Variants in ARID1B observed in about 807,000 individuals in gnomAD.
ARID1B encodes the protein AT-rich interaction domain 1B, also known as AT-rich interactive domain-containing protein 1B.
In ARID1B, 30 loss-of-function variants were observed where a neutral mutation model predicts 212.3. That is an observed-to-expected ratio of 0.14 (90% CI 0.11 to 0.19). ARID1B has a LOEUF of 0.19. Among genes scored for constraint, ARID1B ranks in the 10% least tolerant of loss-of-function variants. The pLI, the probability that ARID1B is intolerant of heterozygous loss-of-function variation, is 1.00. For missense variants in ARID1B, 2,891 were observed against 3,204.0 expected, an observed-to-expected ratio of 0.90 and a Z score of 2.36; for synonymous variants, 1,402 against 1,301.7, an observed-to-expected ratio of 1.08 and a Z score of -1.66.
Position 156,778,745 on chromosome 6 carries a change from C to CGCG in ARID1B, c.1067_1068insGGC (p.Ala357dup), listed in dbSNP as rs1352699139. The CGCG allele has an allele frequency of 6.6e-7, 1 of 1,525,412 alleles. No homozygotes were observed. The highest frequency in any genetic ancestry group is 8.8e-7 in the Non-Finnish European group (1 of 1,134,644). 94.5% of individuals were successfully genotyped at this position (1,525,412 alleles called of 1,614,324 possible). On this transcript the variant is annotated inframe_insertion, in exon 1 of 20. Coordinates refer to ENST00000636930, the MANE Select transcript of ARID1B (RefSeq NM_001374828.1). The stretch of plus-strand genomic sequence containing the variant: ...GGATGATGCACTCCGCCTCCGCCGC[C>CGCG]GCCGCCGGGGCCCCCGGCAGCATGG...
chr6:157,044,908 T>G (rs1322212688), intron 4 of ARID1B, among the ~76,000 whole-genome samples: 2 of 152,166 alleles, frequency 1.3e-5, no homozygotes, highest in African/African-American at 4.8e-5. Context: ...CCTGAGCTGG[T>G]CTAGAAAATA....
Position 157,136,760 on chromosome 6 carries a change from G to T in ARID1B, c.2761+3553G>T, listed in dbSNP as rs147575285. On this transcript the variant is annotated intron_variant, in intron 7 of 19. Coordinates refer to ENST00000636930, the MANE Select transcript of ARID1B (RefSeq NM_001374828.1). Reference sequence around the variant, plus strand: ...GCCTGTGGTCCCAGCTACTTGGGAGGCTGAGGCACAAGAATCGCTTGAACC... The same window carrying T: ...GCCTGTGGTCCCAGCTACTTGGGAGTCTGAGGCACAAGAATCGCTTGAACC... 3.1e-3 allele frequency among the ~76,000 whole-genome samples: 472 copies of T among 152,158 alleles called. 2 individuals are homozygous for T. Among genetic ancestry groups the T allele is most frequent in the African/African-American group, 0.01 (432 of 41,510 alleles).
At chr6:157,139,963 AT>A (rs1789221943) in intron 7 of ARID1B, among the ~76,000 whole-genome samples, 1 of 151,728 alleles carries the variant, frequency 6.6e-6, no homozygotes. Flanking sequence ...ACCTCAAGTG[AT>A]TCACCCGCCT....
At position 157,174,072 on chromosome 6, in the gene ARID1B, A is replaced by G. The variant is rs774783574; in HGVS notation, c.3300A>G (p.Ala1100=). 23 of 1,614,194 alleles carry G rather than the reference A, an allele frequency of 1.4e-5. No homozygotes were observed. The highest frequency in any genetic ancestry group is 1.9e-5 in the Non-Finnish European group (22 of 1,180,030). The stretch of plus-strand genomic sequence containing the variant: ...CCAAACTGCCCCTGCCTCTCAAAGC[A>G]GACGGCAAAGAAGAAGGCACTCCAC... ...GESKLPLPLK[A]DGKEEGTPQP... The change falls in exon 10 of 20, where the codon GCA becomes GCG. Residue 1100 remains alanine, a synonymous_variant. Coordinates refer to ENST00000636930, the MANE Select transcript of ARID1B (RefSeq NM_001374828.1).
At chr6:156,985,503 G>A (rs1777867614) in intron 4 of ARID1B, 2 of 152,180 alleles carry the variant, frequency 1.3e-5, no homozygotes, top group African/African-American at 4.8e-5. Flanking sequence ...AACATTGGTT[G>A]TAATGGATTG....
intron 4 of ARID1B, chr6:156,939,754 A>G (rs916293860): frequency 6.6e-5 from 10 of 152,166 alleles, no homozygotes; most frequent in Non-Finnish European, 1.0e-4. Flanking sequence ...TGGTAACCAT[A>G]GCTTTAGGAA....
chr6:156,829,372 A>T lies in ARID1B; in HGVS notation c.1937A>T (p.Gln646Leu), dbSNP rs1782982872. Residue 646 changes from glutamine to leucine, a missense_variant, in exon 2 of 20, where the codon CAG (glutamine) becomes CTG (leucine). This residue lies in a region of ARID1B where 1,643 missense variants were observed against 1,544.0 expected (regional missense o/e 1.06). Coordinates refer to ENST00000636930, the MANE Select transcript of ARID1B (RefSeq NM_001374828.1). ...CCACAGCGGTATCCAATTGGCATCC[A>T]GGGTCGGACTCCCGGGGCCATGGCC... ...PGPQRYPIGI[Q>L]GRTPGAMAGM... is the part of the protein sequence containing the mutation. 3 of 1,614,218 alleles carry T rather than the reference A, an allele frequency of 1.9e-6. No individual in the cohort carries two copies. The East Asian group carries it at 6.7e-5, about 36-fold the overall frequency.
At chr6:157,085,702 A>AT (rs1269850634) in intron 5 of ARID1B, among the ~76,000 whole-genome samples, 1 of 150,200 alleles carries the variant, frequency 6.7e-6, no homozygotes, top group Non-Finnish European at 1.5e-5. Flanking sequence ...CCTCTTTTAT[A>AT]TTAAAAAAAA....
rs530153456 is a variant in ARID1B at position 157,206,881 on chromosome 6, C to G, written c.6109C>G (p.Arg2037Gly). The change falls in exon 20 of 20, where the codon CGG (arginine) becomes GGG (glycine). Residue 2037 changes from arginine (R) to glycine (G), a missense_variant. Coordinates refer to ENST00000636930, the MANE Select transcript of ARID1B (RefSeq NM_001374828.1). The surrounding 1 kb of genome is among the most constrained non-coding windows in gnomAD (Gnocchi z 6.8). ...TGGTATCCAGCAAGCCAAAAGTCAC[C>G]GGAACATCAAGCTGCTGGAGGACGA... The part of the protein sequence containing the change: ...PFGIQQAKSH[R>G]NIKLLEDEPR... 6.2e-7 allele frequency: 1 copy of G among 1,614,122 alleles called. No homozygotes were observed. Among genetic ancestry groups the G allele is most frequent in the Non-Finnish European group, 8.5e-7 (1 of 1,180,038 alleles).
intron 4 of ARID1B, among the ~76,000 whole-genome samples, chr6:156,951,176 A>G (rs186953188): frequency 8.3e-4 from 126 of 152,258 alleles, no homozygotes; most frequent in African/African-American, 2.9e-3. Flanking sequence ...TTCATATCCT[A>G]TGATGTTTTT....
chr6:157,198,230 C>G (rs550615687), intron 16 of ARID1B, among the ~76,000 whole-genome samples: 1 of 152,252 alleles, frequency 6.6e-6, no homozygotes, highest in East Asian at 1.9e-4. Context: ...CCTTTTAGGG[C>G]ATAGGACTGT....
At chr6:157,188,313 G>A (rs1007228546) in intron 13 of ARID1B, among the ~76,000 whole-genome samples, 13 of 152,126 alleles carry the variant, frequency 8.5e-5, no homozygotes, top group African/African-American at 3.1e-4. Context: ...CGGATGTTAC[G>A]CAGTGTTCAG....
chr6:156,967,841 GA>G (rs755358895), intron 4 of ARID1B, among the ~76,000 whole-genome samples: 13 of 152,186 alleles, frequency 8.5e-5, no homozygotes, highest in Non-Finnish European at 1.9e-4. Context: ...TGAAATTGGT[GA>G]TAAGATTTGC....
At chr6:157,068,520 A>G (rs543962137) in intron 4 of ARID1B, among the ~76,000 whole-genome samples, 8 of 152,394 alleles carry the variant, frequency 5.2e-5, no homozygotes, top group African/African-American at 1.9e-4. Context: ...ACCGAAGGGT[A>G]GAAATTAGAA....
chr6:156,921,882 T>C (rs1313305838), intron 3 of ARID1B, among the ~76,000 whole-genome samples: 1 of 152,168 alleles, frequency 6.6e-6, no homozygotes, highest in East Asian at 1.9e-4. Context: ...TTTCCTTCAG[T>C]TATTTTAGCT....
At chr6:157,175,136 A>G in intron 11 of ARID1B, 131 bp downstream of exon 11, 2 of 805,418 alleles carry the variant, frequency 2.5e-6, no homozygotes, top group African/African-American at 1.8e-5. Flanking sequence ...TTATTTATCC[A>G]TGAAAGGGTT....
intron 13 of ARID1B, chr6:157,186,694 A>G (rs1793000465): frequency 2.8e-6 from 1 of 359,180 alleles, no homozygotes; most frequent in Admixed American, 3.8e-5. Flanking sequence ...TGTTCTTTGA[A>G]GTCACTTTTT....
chr6:157,145,705 A>T (rs1044457297), intron 7 of ARID1B, among the ~76,000 whole-genome samples: 3 of 152,154 alleles, frequency 2.0e-5, no homozygotes, highest in Non-Finnish European at 4.4e-5. Flanking sequence ...TGTGTAGCAG[A>T]GTGTGTCATG....
At chr6:156,966,551 G>A (rs1420627342) in intron 4 of ARID1B, among the ~76,000 whole-genome samples, 2 of 151,414 alleles carry the variant, frequency 1.3e-5, no homozygotes, top group Non-Finnish European at 2.9e-5. Context: ...CTGCTACCAC[G>A]TCCGGCTAAT....
Sources: allele counts gnomAD v4.1 joint callset (sites outside exome capture counted in the v4.1 genomes callset), GRCh38; gene constraint gnomAD v4.1.1; regional missense constraint gnomAD v4.1.1; non-coding constraint Gnocchi (gnomAD v3.1); transcripts MANE v1.5; gene names NCBI Gene and HGNC (gene_info 2026-07-23, HGNC 2026-07-21).